FMN2: variants seen among roughly 807,000 people sequenced by gnomAD.
FMN2 encodes formin-2.
Under a neutral mutation model 142.3 loss-of-function variants are expected in FMN2, and 51 were observed. That is an observed-to-expected ratio of 0.36 (90% CI 0.29 to 0.45). FMN2 has a LOEUF of 0.45. Among genes scored for constraint, FMN2 ranks in the 20% least tolerant of loss-of-function variants. The pLI is 1.00. For synonymous variants in FMN2, 882 were observed against 869.8 expected (o/e 1.01, Z -0.25); for missense variants, 1,936 against 2,122.8 (o/e 0.91, Z 1.73).
intron 8 of FMN2, among the ~76,000 whole-genome samples, chr1:240,325,787 G>A (rs868075374): frequency 6.6e-6 from 1 of 152,128 alleles, no homozygotes; most frequent in Non-Finnish European, 1.5e-5. Flanking sequence ...GTCTAAGAGG[G>A]CCCCAAGCAC....
intron 8 of FMN2, among the ~76,000 whole-genome samples, chr1:240,322,999 C>A (rs905235013): frequency 6.6e-6 from 1 of 152,058 alleles, no homozygotes; most frequent in African/African-American, 2.4e-5. Context: ...CCAAGAACCC[C>A]CCTCCTCTTT....
chr1:240,258,789 A>G (rs569431301), intron 7 of FMN2, among the ~76,000 whole-genome samples: 2 of 152,342 alleles, frequency 1.3e-5, no homozygotes, highest in Admixed American at 6.5e-5. Context: ...AATGAAGTGT[A>G]AATTCAGAGT....
At chr1:240,219,083 G>A (rs78880672) in intron 6 of FMN2, among the ~76,000 whole-genome samples, 3,325 of 152,256 alleles carry the variant, frequency 0.022, 116 homozygotes, top group African/African-American at 0.076. Flanking sequence ...AAAGGTTTCC[G>A]TGCAGCTCAT....
chr1:240,185,123 C>T (rs1477836200), intron 3 of FMN2, among the ~76,000 whole-genome samples: 25 of 123,728 alleles, frequency 2.0e-4, no homozygotes, highest in South Asian at 5.8e-4. Flanking sequence ...TACCTTCCCC[C>T]TTCTCTTTCT....
At chr1:240,370,758 C>T (rs546963140) in intron 14 of FMN2, among the ~76,000 whole-genome samples, 72 of 152,190 alleles carry the variant, frequency 4.7e-4, no homozygotes, top group Admixed American at 5.9e-4. Flanking sequence ...CTCACTTTTC[C>T]TCATCACCGC....
chr1:240,184,450 T>C (rs984686913), intron 3 of FMN2, among the ~76,000 whole-genome samples: 1 of 151,012 alleles, frequency 6.6e-6, no homozygotes, highest in African/African-American at 2.4e-5. Context: ...TGGCCTGACC[T>C]TGTGATCTGC....
At chr1:240,386,777 T>C (rs1537850) in intron 14 of FMN2, among the ~76,000 whole-genome samples, 46,991 of 152,042 alleles carry the variant, frequency 0.31, 7,816 homozygotes, top group Admixed American at 0.44. Context: ...TTGTAATCAG[T>C]TTCATGTTCA....
intron 15 of FMN2, 117 bp from the exon 16 acceptor site, chr1:240,437,944 G>T: frequency 7.8e-7 from 1 of 1,289,836 alleles, no homozygotes; most frequent in Non-Finnish European, 1.1e-6. Flanking sequence ...AAGAGCTTGA[G>T]TCCTCTTGGT....
chr1:240,202,617 C>A (rs1054191777), intron 4 of FMN2, among the ~76,000 whole-genome samples: 21 of 152,004 alleles, frequency 1.4e-4, no homozygotes, highest in African/African-American at 5.1e-4. Context: ...CACACACCAC[C>A]ACACCTGGCT....
chr1:240,113,194 G>C (rs867564060), intron 1 of FMN2, among the ~76,000 whole-genome samples: 1 of 152,012 alleles, frequency 6.6e-6, no homozygotes, highest in Admixed American at 6.6e-5. Flanking sequence ...GTGGTCATGG[G>C]GTGTGAAAGC....
chr1:240,355,560 A>G (rs552398675), intron 13 of FMN2, among the ~76,000 whole-genome samples: 247 of 152,290 alleles, frequency 1.6e-3, no homozygotes, highest in Non-Finnish European at 2.2e-3. Flanking sequence ...GTTATATAAC[A>G]TGCCCAACTG....
intron 8 of FMN2, among the ~76,000 whole-genome samples, chr1:240,318,833 C>T (rs1308803530): frequency 2.0e-5 from 3 of 151,870 alleles, no homozygotes; most frequent in Non-Finnish European, 4.4e-5. Context: ...ATCTGAGACT[C>T]AGTGATTCAC....
At chr1:240,419,537 C>T (rs1674694239) in intron 15 of FMN2, among the ~76,000 whole-genome samples, 1 of 152,072 alleles carries the variant, frequency 6.6e-6, no homozygotes, top group Non-Finnish European at 1.5e-5. Context: ...TACTTCTGAC[C>T]GTGTAAGCTC....
In FMN2 at chr1:240,182,629, A is replaced by G. The variant is rs148823058; in HGVS notation, c.1930+4561A>G. 2.8e-3 allele frequency among the ~76,000 whole-genome samples: 429 copies of G among 152,354 alleles called. 2 individuals carry two copies. Among genetic ancestry groups the G allele is most frequent in the African/African-American group, 9.6e-3 (399 of 41,586 alleles). On this transcript the variant is annotated intron_variant, in intron 3 of 17. Coordinates refer to ENST00000319653, the MANE Select transcript of FMN2 (RefSeq NM_020066.5). The stretch of plus-strand genomic sequence containing the variant: ...ATGTACAAAAGGATCATAAAGGAAT[A>G]TAGATCAAACGAAAAGGAATTTAGG...
chr1:240,337,211 T>G (rs1056531459), intron 13 of FMN2, among the ~76,000 whole-genome samples: 1 of 142,166 alleles, frequency 7.0e-6, no homozygotes, highest in Non-Finnish European at 1.5e-5. Flanking sequence ...TTCTTTTTTT[T>G]TTTTTTTTTT....
intron 16 of FMN2, among the ~76,000 whole-genome samples, chr1:240,442,954 G>A (rs1675677835): frequency 6.6e-6 from 1 of 152,194 alleles, no homozygotes; most frequent in Non-Finnish European, 1.5e-5. Flanking sequence ...GTCTTGCAGT[G>A]TTATCATGTA....
At chr1:240,402,697 C>A (rs1674032065) in intron 15 of FMN2, among the ~76,000 whole-genome samples, 1 of 152,140 alleles carries the variant, frequency 6.6e-6, no homozygotes, top group Admixed American at 6.5e-5. Context: ...ATCACCAGAC[C>A]AAATATGATT....
chr1:240,170,065 A>C, intron 2 of FMN2: 1 of 585,454 alleles, frequency 1.7e-6, no homozygotes, highest in Non-Finnish European at 3.0e-6. Flanking sequence ...CTCACAGATA[A>C]GCCAATCATG....
At chr1:240,338,367 T>G (rs1158973807) in intron 13 of FMN2, among the ~76,000 whole-genome samples, 1 of 152,212 alleles carries the variant, frequency 6.6e-6, no homozygotes, top group African/African-American at 2.4e-5. Flanking sequence ...TTCTGATATT[T>G]CCTTTTTTCC....
Sources: allele counts gnomAD v4.1 joint callset (sites outside exome capture counted in the v4.1 genomes callset), GRCh38; gene constraint gnomAD v4.1.1; transcripts MANE v1.5; gene names NCBI Gene and HGNC (gene_info 2026-07-23, HGNC 2026-07-21).